The following RFTN1 variants were observed in gnomAD, a reference collection of about 807,000 sequenced individuals.
RFTN1 encodes raftlin, lipid raft linker 1.
RFTN1 carries 26 observed loss-of-function variants against 46.5 expected under a neutral mutation model. The ratio of observed to expected loss-of-function variants is 0.56; its 90% confidence interval spans 0.41 to 0.78. The LOEUF (loss-of-function observed/expected upper bound fraction) is 0.78, where lower values mean the gene tolerates loss of function less well. RFTN1 is among the 30% of genes least tolerant of loss of function. The pLI, the probability that RFTN1 is intolerant of heterozygous loss-of-function variation, is 0.00. For synonymous variants in RFTN1, 261 were observed against 284.2 expected, an observed-to-expected ratio of 0.92 and a Z score of 0.82; for missense variants, 693 against 718.7, an observed-to-expected ratio of 0.96 and a Z score of 0.41.
At chr3:16,389,152 A>G (rs1194455957) in intron 4 of RFTN1, among the ~76,000 whole-genome samples, 1 of 152,236 alleles carries the variant, frequency 6.6e-6, no homozygotes, top group African/African-American at 2.4e-5. Context: ...AATGAAACAC[A>G]CTTTAACAAA....
At chr3:16,343,279 G>T (rs1209681097) in intron 7 of RFTN1, among the ~76,000 whole-genome samples, 2 of 152,210 alleles carry the variant, frequency 1.3e-5, no homozygotes, top group Non-Finnish European at 2.9e-5. Context: ...GCATCTGGGA[G>T]TTGACAGTCC....
intron 1 of RFTN1, among the ~76,000 whole-genome samples, chr3:16,503,064 A>G (rs1272135464): frequency 6.6e-6 from 1 of 152,168 alleles, no homozygotes; most frequent in Non-Finnish European, 1.5e-5. Context: ...TGTTTGCATT[A>G]TAAGAAGAAA....
chr3:16,455,349 G>C (rs1362195328), intron 2 of RFTN1, among the ~76,000 whole-genome samples: 2 of 152,186 alleles, frequency 1.3e-5, no homozygotes, highest in Admixed American at 6.5e-5. Context: ...CTTTGTGTGC[G>C]TATGTGAAAA....
Position 16,387,335 on chromosome 3 carries a change from T to G in RFTN1, c.442-9233A>C, listed in dbSNP as rs1441674268. On this transcript the variant is annotated intron_variant, in intron 4 of 9. Coordinates refer to ENST00000334133, the MANE Select transcript of RFTN1 (RefSeq NM_015150.2). This position sits in a 1 kb window ranked among gnomAD's most constrained non-coding sequence, Gnocchi z 5.2. ...TGCTTCCCCAGGGCTTTCTCCCCTC[T>G]GCTGGGTCCCACCCTCTCCCCACTT... is the stretch of plus-strand genomic sequence containing the variant. 6.6e-6 allele frequency among the ~76,000 whole-genome samples: 1 copy of G among 152,178 alleles called. No homozygotes were observed. Among genetic ancestry groups the G allele is most frequent in the Non-Finnish European group, 1.5e-5 (1 of 68,038 alleles).
chr3:16,458,844 T>C lies in RFTN1; in HGVS notation c.146-24807A>G, dbSNP rs1180354617. 2.0e-5 allele frequency among the ~76,000 whole-genome samples: 3 copies of C among 152,340 alleles called. No individual in the cohort carries two copies. The highest frequency in any genetic ancestry group is 7.2e-5 in the African/African-American group (3 of 41,574). ...CTGTCCATCTGTTTTTCTAGCAGAT[T>C]AGAAGTACAAAAATCAGGGGAGTCA... On this transcript the variant is annotated intron_variant, in intron 2 of 9. Coordinates refer to ENST00000334133, the MANE Select transcript of RFTN1 (RefSeq NM_015150.2). The surrounding 1 kb of genome is among the most constrained non-coding windows in gnomAD (Gnocchi z 5.1).
chr3:16,454,679 G>A, intron 2 of RFTN1: 1 of 775,528 alleles, frequency 1.3e-6, no homozygotes, highest in Non-Finnish European at 1.6e-6. Context: ...ACTGCTTAGA[G>A]AATTCCTACT....
intron 2 of RFTN1, among the ~76,000 whole-genome samples, chr3:16,488,099 ACT>A (rs1491095342): frequency 1.7e-5 from 2 of 117,504 alleles, no homozygotes; most frequent in African/African-American, 6.6e-5. Context: ...TGTGATCCTG[ACT>A]TTTTTTTTTT....
At chr3:16,339,357 G>A (rs1451595092) in intron 7 of RFTN1, 1 of 152,180 alleles carries the variant, frequency 6.6e-6, no homozygotes, top group Non-Finnish European at 1.5e-5. Flanking sequence ...CATGCTCTTT[G>A]AGGACCCAGC....
rs952740940 is a variant in RFTN1, at chr3:16,349,002, A to G, written c.1146+8930T>C. ...ACAGCCATCCCAGGCTCCACTATCC[A>G]AGGACAGGGTCAAAGTTTCAGATCA... On this transcript the variant is annotated intron_variant, in intron 7 of 9. Coordinates refer to ENST00000334133, the MANE Select transcript of RFTN1 (RefSeq NM_015150.2). Among the ~76,000 whole-genome samples the G allele has an allele frequency of 9.8e-5, 15 of 152,332 alleles. 2 individuals carry two copies. Among genetic ancestry groups the G allele is most frequent in the East Asian group, 3.9e-4 (2 of 5,188 alleles).
At position 16,400,414 on chromosome 3, in the gene RFTN1, C is replaced by T. The variant is rs572659720; in HGVS notation, c.441+8961G>A. Among the ~76,000 whole-genome samples, 2 of 152,198 alleles carry T rather than the reference C, an allele frequency of 1.3e-5. No homozygotes were observed. The highest frequency in any genetic ancestry group is 2.9e-5 in the Non-Finnish European group (2 of 68,036). On this transcript the variant is annotated intron_variant, in intron 4 of 9. Transcript: ENST00000334133. The surrounding 1 kb of genome is among the most constrained non-coding windows in gnomAD (Gnocchi z 4.5). ...GGCAGGCCCCTTGCCATGTTCTACTCGACAGCGCTCACCCATCTGTGATCC... is the reference window on the plus strand; with the variant it reads ...GGCAGGCCCCTTGCCATGTTCTACTTGACAGCGCTCACCCATCTGTGATCC...
In RFTN1 at chr3:16,457,379, G is replaced by A. The variant is rs1196256124; in HGVS notation, c.146-23342C>T. Among the ~76,000 whole-genome samples the A allele has an allele frequency of 6.6e-6, 1 of 152,142 alleles. No homozygotes were observed. Among genetic ancestry groups the A allele is most frequent in the Non-Finnish European group, 1.5e-5 (1 of 68,012 alleles). On this transcript the variant is annotated intron_variant, in intron 2 of 9. Transcript: ENST00000334133. This position sits in a 1 kb window ranked among gnomAD's most constrained non-coding sequence, Gnocchi z 4.2. ...TTAATCTTCCTCCAAGTATAAAAAG[G>A]AAGAATAACAATATTTAACTGGTAG...
Position 16,422,164 on chromosome 3 carries a change from C to A in RFTN1, c.332+11687G>T, listed in dbSNP as rs1284023675. Among the ~76,000 whole-genome samples the A allele has an allele frequency of 6.6e-6, 1 of 152,150 alleles. No individual in the cohort carries two copies. The highest frequency in any genetic ancestry group is 1.5e-5 in the Non-Finnish European group (1 of 68,030). ...TTATGAAGCTCTCAAATAAAATTTA[C>A]CTCCAATAATAATATTGAACATTAT... On this transcript the variant is annotated intron_variant, in intron 3 of 9. Transcript: ENST00000334133. The surrounding 1 kb of genome is among the most constrained non-coding windows in gnomAD (Gnocchi z 4.6).
At chr3:16,340,289 T>G (rs2071230909) in intron 7 of RFTN1, among the ~76,000 whole-genome samples, 1 of 152,250 alleles carries the variant, frequency 6.6e-6, no homozygotes. Context: ...GCTAGCACAT[T>G]GGGGCTTGCC....
chr3:16,505,985 T>C (rs1039576535), intron 1 of RFTN1, among the ~76,000 whole-genome samples: 1 of 152,148 alleles, frequency 6.6e-6, no homozygotes, highest in African/African-American at 2.4e-5. Flanking sequence ...AGAGCACGCC[T>C]GCCCTCATGG....
intron 2 of RFTN1, chr3:16,482,812 G>A (rs924550495): frequency 3.9e-6 from 6 of 1,536,150 alleles, no homozygotes; most frequent in South Asian, 1.2e-5. Context: ...AGAGGCCAGG[G>A]AGGGCGCAGG....
chr3:16,464,634 T>G (rs1441604397), intron 2 of RFTN1, among the ~76,000 whole-genome samples: 1 of 152,278 alleles, frequency 6.6e-6, no homozygotes, highest in Non-Finnish European at 1.5e-5. Context: ...TTGCCAGTGT[T>G]GGGCAAACTA....
At position 16,337,722 on chromosome 3, in the gene RFTN1, C is replaced by CA. The variant is rs2070991960; in HGVS notation, c.1147-10847dup. On this transcript the variant is annotated intron_variant, in intron 7 of 9. Coordinates refer to ENST00000334133, the MANE Select transcript of RFTN1 (RefSeq NM_015150.2). The surrounding 1 kb of genome is among the most constrained non-coding windows in gnomAD (Gnocchi z 5.0). The stretch of plus-strand genomic sequence containing the variant: ...GCGCCACTGCACTCCAGCCTGGCGA[C>CA]AGAGCGAGACTCCATCTCAAAAAAA... 7.3e-6 allele frequency among the ~76,000 whole-genome samples: 1 copy of CA among 137,402 alleles called. No individual in the cohort carries two copies. The highest frequency in any genetic ancestry group is 2.9e-5 in the African/African-American group (1 of 35,038). The allele number at this position is 137,402 out of a possible 152,430, so 90.1% of individuals were successfully genotyped here. A position where few individuals can be genotyped will look rare whatever the true frequency, so the allele number is the denominator to read the frequency against.
chr3:16,493,106 C>A (rs1181089329), intron 2 of RFTN1, among the ~76,000 whole-genome samples: 1 of 152,218 alleles, frequency 6.6e-6, no homozygotes, highest in African/African-American at 2.4e-5. Context: ...AGAAGGCAAA[C>A]CTTCCTTCTC....
chr3:16,486,992 C>A (rs997883584), intron 2 of RFTN1, among the ~76,000 whole-genome samples: 4 of 152,218 alleles, frequency 2.6e-5, no homozygotes, highest in African/African-American at 9.7e-5. Context: ...CGTCTTCCCT[C>A]CCTCCCTCTC....
Sources: gnomAD v4.1 joint callset for allele counts (sites outside exome capture counted in the v4.1 genomes callset) on GRCh38, gnomAD v4.1.1 for gene constraint, Gnocchi (gnomAD v3.1) non-coding constraint, MANE v1.5 for transcripts, NCBI Gene and HGNC (gene_info 2026-07-23, HGNC 2026-07-21) for gene names.